Variants in LAMC2 observed in about 807,000 individuals in gnomAD.
LAMC2 encodes the protein laminin subunit gamma-2.
LAMC2 carries 97 observed loss-of-function variants against 140.2 expected under a neutral mutation model. The ratio of observed to expected loss-of-function variants is 0.69; its 90% CI spans 0.59 to 0.82. The LOEUF (loss-of-function observed/expected upper bound fraction) is 0.82. Among genes scored for constraint, LAMC2 ranks in the 40% least tolerant of loss-of-function variants. The probability of loss-of-function intolerance (pLI) is 0.00; values close to 1 mark genes in which losing one functional copy is unlikely to be tolerated. For missense variants in LAMC2, 1,402 were observed against 1,476.1 expected (o/e 0.95, Z 0.82); for synonymous variants, 513 against 540.2 (o/e 0.95, Z 0.70).
At chr1:183,235,314 C>T (rs773375291) in intron 15 of LAMC2, among the ~76,000 whole-genome samples, 1 of 151,030 alleles carries the variant, frequency 6.6e-6, no homozygotes, top group South Asian at 2.1e-4. Flanking sequence ...CCACCCATCT[C>T]CACACTCCAC....
the LAMC2 span, among the ~76,000 whole-genome samples, chr1:183,258,859 G>A: frequency 2.6e-5 from 4 of 152,048 alleles, no homozygotes; most frequent in African/African-American, 7.2e-5. Flanking sequence ...TGACCAATCC[G>A]CACTCCTGGC....
intron 22 of LAMC2, chr1:183,241,361 G>A (rs1357358611): frequency 2.0e-6 from 2 of 980,966 alleles, no homozygotes; most frequent in Admixed American, 1.2e-4. Flanking sequence ...GAGCTGCTTG[G>A]GTAAATAACC....
chr1:183,242,195 C>T (rs1329442816), intron 22 of LAMC2, among the ~76,000 whole-genome samples: 1 of 152,156 alleles, frequency 6.6e-6, no homozygotes, highest in Admixed American at 6.5e-5. Context: ...ATTTTGTTCC[C>T]AAGCTTACTT....
intron 1 of LAMC2, among the ~76,000 whole-genome samples, chr1:183,200,633 C>T (rs746258064): frequency 2.0e-5 from 3 of 152,100 alleles, no homozygotes; most frequent in Admixed American, 6.6e-5. Context: ...GCTGGGAAAC[C>T]GCCTTTGCCC....
intron 14 of LAMC2, 145 bp downstream of exon 14, chr1:183,233,002 C>G (rs987033048): frequency 7.8e-6 from 6 of 765,328 alleles, no homozygotes; most frequent in South Asian, 1.5e-5. Context: ...CTTTTCCTTG[C>G]AACAGTCACA....
downstream of LAMC2, chr1:183,248,378 T>A (rs202109556): frequency 4.6e-5 from 7 of 152,796 alleles, no homozygotes; most frequent in East Asian, 1.3e-3. Flanking sequence ...TTTTTATTAA[T>A]GAATTGATTT....
rs114841922 is a variant in LAMC2 at position 183,243,533 on chromosome 1, C to A, written c.*133C>A. ...GGTATGCTCAGGTCAACTGACCTGA[C>A]CCCATTCCTGATCCCATGGCCAGGT... is the stretch of plus-strand genomic sequence containing the variant. On this transcript the variant is annotated 3_prime_UTR_variant, in exon 23 of 23. Transcript: ENST00000264144. The A allele has an allele frequency of 1.5e-3, 1,619 of 1,113,858 alleles. 21 individuals carry two copies. In the African/African-American group the frequency reaches 0.022, roughly 15 times the overall value. 69.0% of individuals were successfully genotyped at this position (1,113,858 alleles called of 1,614,324 possible).
rs149124612 is a variant in LAMC2 at position 183,232,201 on chromosome 1, G to C, written c.1872G>C (p.Met624Ile). The change falls in exon 13 of 23, where the codon ATG (methionine) becomes ATC (isoleucine). Residue 624 changes from methionine (M) to isoleucine (I), a missense_variant. Physicochemically the swap from Met to Ile is conservative, Grantham distance 10. Around this residue, in one of 3 missense-constraint regions of LAMC2, gnomAD observed 9 missense variants for 25.6 expected, o/e 0.35. Transcript: ENST00000264144. The part of the protein sequence containing the change: ...NQVKIQMDQF[M>I]QQLQRMEALI... ...TGTGGTTTCAGATGGATCAGTTTAT[G>C]CAGCAGCTTCAGAGAATGGAGGCCC... The C allele has an allele frequency of 1.9e-6, 3 of 1,613,760 alleles. No individual in the cohort carries two copies. Among genetic ancestry groups the C allele is most frequent in the Non-Finnish European group, 2.5e-6 (3 of 1,180,008 alleles).
chr1:183,207,088 G>A (rs1270056597), intron 1 of LAMC2, among the ~76,000 whole-genome samples: 3 of 152,208 alleles, frequency 2.0e-5, no homozygotes, highest in Non-Finnish European at 4.4e-5. Flanking sequence ...TTGAAGTGAT[G>A]TGCCCAAGGA....
chr1:183,239,492 G>T lies in LAMC2; in HGVS notation c.2998G>T (p.Ala1000Ser), dbSNP rs193261159. 1 of 1,613,664 alleles carries T rather than the reference G, an allele frequency of 6.2e-7. No homozygotes were observed. The highest frequency in any genetic ancestry group is 1.3e-5 in the African/African-American group (1 of 74,878). ...TQQAERALGS[A>S]AADAQRAKNG... is the part of the protein sequence containing the mutation. Reference sequence around the variant, plus strand: ...GCAAGCAGAAAGAGCCCTGGGGAGCGCTGCTGCTGATGCACAGAGGGCAAA... The same window carrying T: ...GCAAGCAGAAAGAGCCCTGGGGAGCTCTGCTGCTGATGCACAGAGGGCAAA... Residue 1000 changes from alanine (A) to serine (S), a missense_variant, in exon 20 of 23, where the codon GCT (alanine) becomes TCT (serine). Physicochemically the swap from Ala to Ser is moderately conservative, Grantham distance 99. Coordinates refer to ENST00000264144, the MANE Select transcript of LAMC2 (RefSeq NM_005562.3).
Position 183,235,579 on chromosome 1 carries a change from G to T in LAMC2, c.2305G>T (p.Val769Phe), listed in dbSNP as rs768252173. ...QEATRLAESH[V>F]ESASNMEQLT... Reference sequence around the variant, plus strand: ...TTTTGTTTTTAATCCTTTCAGCCACGTTGAGTCAGCCAGTAACATGGAGCA... The same window carrying T: ...TTTTGTTTTTAATCCTTTCAGCCACTTTGAGTCAGCCAGTAACATGGAGCA... The change falls in exon 16 of 23, where the codon GTT (valine) becomes TTT (phenylalanine). Residue 769 changes from valine (V) to phenylalanine (F), a missense_variant. Val to Phe is a conservative substitution (Grantham distance 50, BLOSUM62 -1). Around this residue, in one of 3 missense-constraint regions of LAMC2, gnomAD observed 670 missense variants for 667.2 expected, o/e 1.00. Transcript: ENST00000264144. The T allele has an allele frequency of 1.2e-6, 2 of 1,614,156 alleles. No individual in the cohort carries two copies. The highest frequency in any genetic ancestry group is 1.7e-5 in the Admixed American group (1 of 60,028).
At chr1:183,226,969 A>G in intron 9 of LAMC2, 53 bp downstream of exon 9, 1 of 1,396,112 alleles carries the variant, frequency 7.2e-7, no homozygotes, top group Non-Finnish European at 1.0e-6. Context: ...TGGAAGAGAG[A>G]GAGCTGTGTA....
At chr1:183,213,793 C>T (rs960626944) in intron 2 of LAMC2, among the ~76,000 whole-genome samples, 14 of 144,494 alleles carry the variant, frequency 9.7e-5, no homozygotes, top group South Asian at 2.2e-4. Flanking sequence ...TGGCCAGGTG[C>T]GGTGGCTCAT....
intron 1 of LAMC2, among the ~76,000 whole-genome samples, chr1:183,200,316 G>C (rs1658666312): frequency 6.6e-6 from 1 of 152,060 alleles, no homozygotes; most frequent in Non-Finnish European, 1.5e-5. Flanking sequence ...CTTGAACCTG[G>C]GAGGCAGAGG....
Position 183,215,467 on chromosome 1 carries a change from C to T in LAMC2, c.283C>T (p.Arg95Ter), listed in dbSNP as rs80356683. The T allele has an allele frequency of 4.3e-6, 7 of 1,613,958 alleles. No individual in the cohort carries two copies. The highest frequency in any genetic ancestry group is 1.1e-5 in the South Asian group (1 of 91,076). ...NCNSKGSLSA[R>*]CDNSGRCSCK... Reference sequence around the variant, plus strand: ...GTGGGTTTCAGGTTCTCTTAGTGCTCGATGTGACAACTCCGGACGGTGCAG... The same window carrying T: ...GTGGGTTTCAGGTTCTCTTAGTGCTTGATGTGACAACTCCGGACGGTGCAG... The change falls in exon 3 of 23, where the codon CGA (arginine) becomes TGA (stop). Residue 95 changes from arginine to a stop codon, truncating the protein, a stop_gained. Transcript: ENST00000264144. LOFTEE classifies it high-confidence loss of function.
At chr1:183,234,694 A>C (rs1271604785) in intron 15 of LAMC2, among the ~76,000 whole-genome samples, 2 of 152,202 alleles carry the variant, frequency 1.3e-5, no homozygotes, top group East Asian at 1.9e-4. Context: ...TATGACTCAC[A>C]GTATGGCTGT....
chr1:183,223,255 G>C lies in LAMC2; in HGVS notation c.884G>C (p.Arg295Pro), dbSNP rs141901570. ...GTGATTCTGGAAGGTGCTGGTCTAC[G>C]GATCACAGCTCCCTTGATGCCACTT... ...HDVILEGAGL[R>P]ITAPLMPLGK... The change falls in exon 7 of 23, where the codon CGG becomes CCG. Residue 295 changes from arginine to proline, a missense_variant. Coordinates refer to ENST00000264144, the MANE Select transcript of LAMC2 (RefSeq NM_005562.3). 1 of 1,614,192 alleles carries C rather than the reference G, an allele frequency of 6.2e-7. No homozygotes were observed. Among genetic ancestry groups the C allele is most frequent in the East Asian group, 2.2e-5 (1 of 44,882 alleles).
At chr1:183,193,305 GT>G (rs1177228123) in intron 1 of LAMC2, among the ~76,000 whole-genome samples, 50 of 152,284 alleles carry the variant, frequency 3.3e-4, no homozygotes, top group African/African-American at 1.1e-3. Context: ...AAGTGGCTCA[GT>G]TTAGGATCGT....
chr1:183,212,392 T>C (rs1301156755), intron 2 of LAMC2, among the ~76,000 whole-genome samples: 1 of 152,170 alleles, frequency 6.6e-6, no homozygotes, highest in Non-Finnish European at 1.5e-5. Context: ...TTCATTCTCA[T>C]CTTATTTAAA....
Sources: allele counts gnomAD v4.1 joint callset (sites outside exome capture counted in the v4.1 genomes callset), GRCh38; gene constraint gnomAD v4.1.1; regional missense constraint gnomAD v4.1.1; transcripts MANE v1.5; gene names NCBI Gene and HGNC (gene_info 2026-07-23, HGNC 2026-07-21).